Variants in SRCAP observed in about 807,000 individuals in gnomAD.
SRCAP encodes Snf2 related CREBBP activator protein.
A neutral mutation model predicts 263.1 loss-of-function variants in SRCAP; 46 were observed. The ratio of observed to expected loss-of-function variants is 0.17; its 90% CI spans 0.14 to 0.22. SRCAP has a LOEUF of 0.22. Among genes scored for constraint, SRCAP ranks in the 10% least tolerant of loss-of-function variants. SRCAP has a pLI of 1.00. For missense variants in SRCAP, 3,695 were observed against 4,181.9 expected, an observed-to-expected ratio of 0.88 and a Z score of 3.21; for synonymous variants, 1,813 against 1,662.1, an observed-to-expected ratio of 1.09 and a Z score of -2.21.
chr16:30,733,189 T>C lies in SRCAP; in HGVS notation c.6128-91T>C. 2 of 1,442,992 alleles carry C rather than the reference T, an allele frequency of 1.4e-6. No homozygotes were observed. Among genetic ancestry groups the C allele is most frequent in the Non-Finnish European group, 9.4e-7 (1 of 1,064,628 alleles). 89.4% of individuals were successfully genotyped at this position (1,442,992 alleles called of 1,614,324 possible). A position where few individuals can be genotyped will look rare whatever the true frequency, so the allele number is the denominator to read the frequency against. ...TAATTGAAACTTTGGCTTAAAGCATTGATTATCTTTCAACCCCAGCCTTGC... is the reference window on the plus strand; with the variant it reads ...TAATTGAAACTTTGGCTTAAAGCATCGATTATCTTTCAACCCCAGCCTTGC... On this transcript the variant is annotated intron_variant, in intron 27 of 33. Coordinates refer to ENST00000262518, the MANE Select transcript of SRCAP (RefSeq NM_006662.3). The surrounding 1 kb of genome is among the most constrained non-coding windows in gnomAD (Gnocchi z 5.3).
chr16:30,730,290 T>C (rs1045269956), intron 27 of SRCAP, among the ~76,000 whole-genome samples: 1 of 151,932 alleles, frequency 6.6e-6, no homozygotes, highest in Non-Finnish European at 1.5e-5. Flanking sequence ...AAGGACCTTT[T>C]TGTGTTGACT....
Position 30,728,989 on chromosome 16 carries a change from GCGGCAGCGGTCTGAA to G in SRCAP, c.5685_5699del (p.Gln1896_Arg1900del). The G allele has an allele frequency of 6.2e-7, 1 of 1,613,530 alleles. No individual in the cohort carries two copies. The highest frequency in any genetic ancestry group is 8.5e-7 in the Non-Finnish European group (1 of 1,179,508). ...AGGACTCCCTGGAGGAAAAGCGGAA[GCGGCAGCGGTCTGAA>G]CGCCTGGAACGGATTTTCCAACTTA... On this transcript the variant is annotated inframe_deletion, in exon 26 of 34. Transcript: ENST00000262518.
In SRCAP at chr16:30,710,669, C is replaced by T. The variant is rs907216403; in HGVS notation, c.1135-85C>T. The T allele has an allele frequency of 4.4e-6, 6 of 1,349,254 alleles. No individual in the cohort carries two copies. The African/African-American group carries it at 7.2e-5, about 16-fold the overall frequency. 83.6% of individuals were successfully genotyped at this position (1,349,254 alleles called of 1,614,324 possible). On this transcript the variant is annotated intron_variant, in intron 8 of 33. Transcript: ENST00000262518. Reference sequence around the variant, plus strand: ...ACTGTCACTCAATGGGACAGTGATTCTCCTGTGACACCTTTTTCAAGTTTG... The same window carrying T: ...ACTGTCACTCAATGGGACAGTGATTTTCCTGTGACACCTTTTTCAAGTTTG...
At chr16:30,712,631 C>A in intron 13 of SRCAP, 48 bp from the exon 14 acceptor site, 2 of 1,612,464 alleles carry the variant, frequency 1.2e-6, no homozygotes, top group Non-Finnish European at 1.7e-6. Context: ...GAAATCAGAA[C>A]CACAGAATTT....
At chr16:30,703,175 A>G (rs2052788460) in intron 3 of SRCAP, among the ~76,000 whole-genome samples, 1 of 151,108 alleles carries the variant, frequency 6.6e-6, no homozygotes, top group Non-Finnish European at 1.5e-5. Context: ...ATATGTATGT[A>G]TATAAATTTT....
chr16:30,731,531 A>G (rs1224662850), intron 27 of SRCAP, among the ~76,000 whole-genome samples: 1 of 152,202 alleles, frequency 6.6e-6, no homozygotes, highest in African/African-American at 2.4e-5. Context: ...TTTTTGTTAC[A>G]TTTGAAACTA....
chr16:30,714,266 G>A (rs1845829591), intron 16 of SRCAP, among the ~76,000 whole-genome samples: 2 of 151,778 alleles, frequency 1.3e-5, no homozygotes, highest in Admixed American at 1.3e-4. Context: ...GGGTTTCACC[G>A]TATTAGCCAG....
At chr16:30,714,210 G>A (rs554382153) in intron 16 of SRCAP, among the ~76,000 whole-genome samples, 4 of 151,322 alleles carry the variant, frequency 2.6e-5, no homozygotes, top group Admixed American at 1.3e-4. Context: ...GACTAAAGGC[G>A]CCCACCACCA....
rs2053153189 is a variant in SRCAP at position 30,735,583 on chromosome 16, T to TTTC, written c.6730-615_6730-614insCTT. On this transcript the variant is annotated intron_variant, in intron 31 of 33. Coordinates refer to ENST00000262518, the MANE Select transcript of SRCAP (RefSeq NM_006662.3). ...TTGACATTACTTTTTTTTTTTTTTT[T>TTTC]TTTTTTGGAGACGGAGTCACGGAGT... is the stretch of plus-strand genomic sequence containing the variant. Among the ~76,000 whole-genome samples the TTTC allele has an allele frequency of 2.1e-5, 3 of 140,014 alleles. No homozygotes were observed. The South Asian group carries it at 7.0e-4, about 33-fold the overall frequency. The allele number at this position is 140,014 out of a possible 152,430, so 91.9% of individuals were successfully genotyped here.
At chr16:30,734,646 G>A in intron 31 of SRCAP, 31 bp downstream of exon 31, 1 of 1,613,688 alleles carries the variant, frequency 6.2e-7, no homozygotes, top group Non-Finnish European at 8.5e-7. Context: ...TCGTAAAGTT[G>A]AGCTGATTCT....
intron 6 of SRCAP, among the ~76,000 whole-genome samples, chr16:30,708,850 C>T (rs549739958): frequency 2.1e-4 from 32 of 151,762 alleles, no homozygotes; most frequent in Non-Finnish European, 3.4e-4. Flanking sequence ...GACGGAGTCT[C>T]GCTTTGTTCC....
chr16:30,700,410 C>T (rs193059478), intron 2 of SRCAP, among the ~76,000 whole-genome samples: 62 of 152,308 alleles, frequency 4.1e-4, no homozygotes, highest in African/African-American at 1.4e-3. Context: ...CTGTGAAAAG[C>T]ACTTGGTTTT....
intron 25 of SRCAP, 158 bp downstream of exon 25, chr16:30,725,240 C>G (rs1393811111): frequency 1.2e-5 from 16 of 1,387,236 alleles, no homozygotes; most frequent in African/African-American, 1.5e-5. Flanking sequence ...CCCTTCTCTT[C>G]CCTGGGCGTG....
chr16:30,736,768 G>C (rs549734649), intron 33 of SRCAP, 144 bp downstream of exon 33: 1 of 883,886 alleles, frequency 1.1e-6, no homozygotes, highest in East Asian at 2.7e-5. Flanking sequence ...CGCCTCCCGG[G>C]TTCAAGCAGT....
chr16:30,720,375 G>C lies in SRCAP; in HGVS notation c.2987+44G>C, dbSNP rs573219842. On this transcript the variant is annotated intron_variant, in intron 19 of 33. Transcript: ENST00000262518. ...GAGGGGATGGTTCCTAGAATAAGTG[G>C]CTGAAAGCTGCCCAGAGGGGCCTGG... is the stretch of plus-strand genomic sequence containing the variant. 21 of 1,585,494 alleles carry C rather than the reference G, an allele frequency of 1.3e-5. No individual in the cohort carries two copies. The East Asian group carries it at 3.8e-4, about 29-fold the overall frequency.
intron 27 of SRCAP, 101 bp downstream of exon 27, chr16:30,729,673 T>C: frequency 7.1e-7 from 1 of 1,410,254 alleles, no homozygotes; most frequent in South Asian, 1.3e-5. Flanking sequence ...TCTTGCGATT[T>C]CTGTAAAGCT....
At chr16:30,730,439 TC>T (rs2053102779) in intron 27 of SRCAP, among the ~76,000 whole-genome samples, 5 of 152,030 alleles carry the variant, frequency 3.3e-5, no homozygotes. Context: ...CTTCTTTCTT[TC>T]TTTTTTTTTC....
chr16:30,734,537 T>G lies in SRCAP; in HGVS notation c.6651T>G (p.Pro2217=). The G allele has an allele frequency of 6.2e-7, 1 of 1,613,920 alleles. No individual in the cohort carries two copies. Residue 2217 remains proline, a synonymous_variant, in exon 31 of 34, where the codon CCT becomes CCG. Transcript: ENST00000262518. The part of the protein sequence containing the change: ...RELFDMPLEE[P]SSSSVPSAPE... ...TGTTTGATATGCCCCTGGAGGAACC[T>G]TCTAGCTCATCCGTGCCCTCTGCCC...
At chr16:30,736,096 C>T (rs765080473) in intron 31 of SRCAP, 104 bp from the exon 32 acceptor site, 92 of 1,393,566 alleles carry the variant, frequency 6.6e-5, no homozygotes, top group Non-Finnish European at 8.8e-5. Context: ...TGTTGCAAAC[C>T]TAGTTTGGTG....
Sources: allele counts gnomAD v4.1 joint callset (sites outside exome capture counted in the v4.1 genomes callset), GRCh38; gene constraint gnomAD v4.1.1; non-coding constraint Gnocchi (gnomAD v3.1); transcripts MANE v1.5; gene names NCBI Gene and HGNC (gene_info 2026-07-23, HGNC 2026-07-21).